The following SMARCA2 variants were observed in gnomAD, a reference collection of about 807,000 sequenced individuals.
SMARCA2 encodes the protein SWI/SNF-related matrix-associated actin-dependent regulator of chromatin subfamily A member 2.
A neutral mutation model predicts 199.8 loss-of-function variants in SMARCA2; 61 were observed. The observed-to-expected ratio is 0.31, with a 90% confidence interval of 0.25 to 0.38. SMARCA2 has a LOEUF of 0.38. Among genes scored for constraint, SMARCA2 ranks in the 10% least tolerant of loss-of-function variants. The pLI, the probability that SMARCA2 is intolerant of heterozygous loss-of-function variation, is 1.00. For missense variants in SMARCA2, 1,344 were observed against 2,012.2 expected (o/e 0.67, Z 6.35); for synonymous variants, 935 against 732.0 (o/e 1.28, Z -4.48).
intron 23 of SMARCA2, among the ~76,000 whole-genome samples, chr9:2,109,131 AAATGTTTTAATCC>A (rs1331655569): frequency 3.9e-5 from 6 of 152,226 alleles, no homozygotes; most frequent in Non-Finnish European, 8.8e-5. Flanking sequence ...ATAGTCACTT[AAATGTTTTAATCC>A]TCTGAAATAA....
At chr9:2,160,694 T>C in intron 27 of SMARCA2, 4 of 668,468 alleles carry the variant, frequency 6.0e-6, no homozygotes, top group Non-Finnish European at 1.1e-5. Flanking sequence ...GAGGCAATAT[T>C]GAGAGGCAGG....
At chr9:2,061,465 C>T (rs569971795) in intron 9 of SMARCA2, among the ~76,000 whole-genome samples, 50 of 152,154 alleles carry the variant, frequency 3.3e-4, no homozygotes, top group African/African-American at 1.2e-3. Flanking sequence ...GTCCCTGTGT[C>T]GCAGTGAGGT....
chr9:2,116,522 A>G (rs996368710), intron 25 of SMARCA2, among the ~76,000 whole-genome samples: 2 of 152,216 alleles, frequency 1.3e-5, no homozygotes, highest in African/African-American at 2.4e-5. Context: ...TCTTCCGCAC[A>G]TTTAGCTATA....
At chr9:2,099,263 A>T (rs1275389200) in intron 21 of SMARCA2, among the ~76,000 whole-genome samples, 1 of 152,180 alleles carries the variant, frequency 6.6e-6, no homozygotes, top group Non-Finnish European at 1.5e-5. Flanking sequence ...AAGTCTAATG[A>T]TGAAACTGTC....
chr9:2,032,839 G>T, intron 2 of SMARCA2, 113 bp from the exon 3 acceptor site: 1 of 862,216 alleles, frequency 1.2e-6, no homozygotes, highest in Non-Finnish European at 1.8e-6. Flanking sequence ...TCTAGAATGG[G>T]TAGTAGATGA....
chr9:2,119,485 ACT>A lies in SMARCA2; in HGVS notation c.3715_3716del (p.Leu1239GlufsTer12). ...EEEDEVPDDETLNQMIARREE... is the reference protein window; with the variant it reads ...EEEDEVPDDEXLNQMIARREE... ...AGAAGATGAAGTACCGGACGATGAG[ACT>A]CTGAACCAAATGATTGCTCGACGAG... is the stretch of plus-strand genomic sequence containing the variant. On this transcript the variant is annotated frameshift_variant, in exon 26 of 34. Transcript: ENST00000349721. LOFTEE classifies it high-confidence loss of function. This position sits in a 1 kb window ranked among gnomAD's most constrained non-coding sequence, Gnocchi z 4.6. The A allele has an allele frequency of 1.2e-6, 2 of 1,613,576 alleles. No individual in the cohort carries two copies. The highest frequency in any genetic ancestry group is 2.2e-5 in the East Asian group (1 of 44,852).
intron 24 of SMARCA2, among the ~76,000 whole-genome samples, chr9:2,112,240 A>T (rs930494653): frequency 4.6e-5 from 7 of 152,100 alleles, no homozygotes; most frequent in African/African-American, 7.2e-5. Flanking sequence ...GCTCAATGTG[A>T]TTGGATGTTT....
At chr9:2,165,225 A>C (rs528110748) in intron 28 of SMARCA2, among the ~76,000 whole-genome samples, 1 of 152,358 alleles carries the variant, frequency 6.6e-6, no homozygotes, top group Non-Finnish European at 1.5e-5. Flanking sequence ...ACAGCATATT[A>C]AATAAGAACA....
At chr9:2,099,789 C>G (rs1822430220) in intron 21 of SMARCA2, among the ~76,000 whole-genome samples, 1 of 152,170 alleles carries the variant, frequency 6.6e-6, no homozygotes, top group African/African-American at 2.4e-5. Flanking sequence ...ATGGGTCTCA[C>G]TGCCTCCCTG....
At chr9:2,187,645 C>G (rs2129960485) in intron 32 of SMARCA2, among the ~76,000 whole-genome samples, 1 of 152,012 alleles carries the variant, frequency 6.6e-6, no homozygotes. Flanking sequence ...CCGCTGCCCT[C>G]CAGCCTGGGC....
intron 8 of SMARCA2, among the ~76,000 whole-genome samples, chr9:2,060,518 A>C (rs999812395): frequency 1.2e-4 from 18 of 152,254 alleles, no homozygotes; most frequent in African/African-American, 4.3e-4. Flanking sequence ...CTTTTTGTAC[A>C]GTTAAAGCAA....
chr9:2,036,478 A>G (rs564865345), intron 3 of SMARCA2, among the ~76,000 whole-genome samples: 22 of 152,340 alleles, frequency 1.4e-4, no homozygotes, highest in African/African-American at 5.1e-4. Flanking sequence ...CTGTTTTCTC[A>G]ACTAAAGATA....
At chr9:2,035,135 G>A (rs1205059838) in intron 3 of SMARCA2, among the ~76,000 whole-genome samples, 2 of 151,666 alleles carry the variant, frequency 1.3e-5, no homozygotes, top group Admixed American at 6.6e-5. Context: ...TCTACCTCCC[G>A]GGTTCAAGCG....
rs184178457 is a variant in SMARCA2, at chr9:2,147,569, G to A, written c.3982-14117G>A. Among the ~76,000 whole-genome samples, 483 of 152,244 alleles carry A rather than the reference G, an allele frequency of 3.2e-3. 1 individual carries two copies. Among genetic ancestry groups the A allele is most frequent in the African/African-American group, 0.011 (458 of 41,534 alleles). ...TAGGATTTCCAGTTTTGGTGTTCTGGGCGTGGTGGCTCACGCCTGTAATCC... is the reference window on the plus strand; with the variant it reads ...TAGGATTTCCAGTTTTGGTGTTCTGAGCGTGGTGGCTCACGCCTGTAATCC... On this transcript the variant is annotated intron_variant, in intron 27 of 33. Transcript: ENST00000349721.
In SMARCA2 at chr9:2,103,989, T is replaced by C. The variant is rs1482878633; in HGVS notation, c.3126-14T>C. ...TAATACTGTCTTCTTGTTTTTGCAT[T>C]TTTTTGGGTTCAGGGCTGAACTGTA... On this transcript the variant is annotated splice_polypyrimidine_tract_variant and intron_variant, in intron 22 of 33. Transcript: ENST00000349721. 2 of 1,609,902 alleles carry C rather than the reference T, an allele frequency of 1.2e-6. No individual in the cohort carries two copies. The highest frequency in any genetic ancestry group is 1.7e-6 in the Non-Finnish European group (2 of 1,178,126).
At chr9:2,062,804 G>A (rs1279126195) in intron 9 of SMARCA2, among the ~76,000 whole-genome samples, 1 of 152,134 alleles carries the variant, frequency 6.6e-6, no homozygotes, top group African/African-American at 2.4e-5. Context: ...ATCAGAGAGA[G>A]AAAAAGAGAG....
At chr9:2,183,457 T>TACA (rs2129904780) in intron 31 of SMARCA2, among the ~76,000 whole-genome samples, 1 of 152,350 alleles carries the variant, frequency 6.6e-6, no homozygotes, top group South Asian at 2.1e-4. Context: ...TACTGTCACC[T>TACA]TATGTAGGAC....
chr9:2,089,312 A>G (rs185601197), intron 19 of SMARCA2, among the ~76,000 whole-genome samples: 93 of 152,312 alleles, frequency 6.1e-4, no homozygotes, highest in African/African-American at 2.2e-3. Context: ...TTTTGGAACC[A>G]TGCATATTTG....
intron 30 of SMARCA2, 110 bp downstream of exon 30, chr9:2,181,786 C>T (rs1286072528): frequency 4.6e-5 from 31 of 669,010 alleles, no homozygotes; most frequent in South Asian, 4.3e-4. Flanking sequence ...ACCCAGGGCT[C>T]GCGACAGGAA....
Sources: gnomAD v4.1 joint callset for allele counts (sites outside exome capture counted in the v4.1 genomes callset) on GRCh38, gnomAD v4.1.1 for gene constraint, Gnocchi (gnomAD v3.1) non-coding constraint, MANE v1.5 for transcripts, NCBI Gene and HGNC (gene_info 2026-07-23, HGNC 2026-07-21) for gene names.